NSUN6: variants seen among roughly 807,000 people sequenced by gnomAD.
The protein encoded by NSUN6 is tRNA (cytosine(72)-C(5))-methyltransferase NSUN6.
In NSUN6, 64 loss-of-function variants were observed where a neutral mutation model predicts 58.0. That is an observed-to-expected ratio of 1.10 (90% CI 0.90 to 1.36). The LOEUF (loss-of-function observed/expected upper bound fraction) is 1.36, where lower values mean the gene tolerates loss of function less well. Among genes scored for constraint, NSUN6 ranks in the 40% most tolerant of loss-of-function variants. NSUN6 has a pLI of 0.00. For synonymous variants in NSUN6, 231 were observed against 193.9 expected (o/e 1.19, Z -1.59); for missense variants, 701 against 550.1 (o/e 1.27, Z -2.74).
At chr10:18,575,584 A>T (rs2056607116) in intron 8 of NSUN6, among the ~76,000 whole-genome samples, 1 of 152,138 alleles carries the variant, frequency 6.6e-6, no homozygotes, top group Admixed American at 6.6e-5. Flanking sequence ...GCAATACCAT[A>T]CTCCCTGGCA....
intron 7 of NSUN6, among the ~76,000 whole-genome samples, chr10:18,590,908 A>C (rs1163797841): frequency 6.6e-6 from 1 of 152,176 alleles, no homozygotes; most frequent in Non-Finnish European, 1.5e-5. Context: ...GCAGAAATGA[A>C]GGGGACAGAG....
intron 7 of NSUN6, among the ~76,000 whole-genome samples, chr10:18,590,324 C>T (rs912524317): frequency 2.0e-5 from 3 of 152,142 alleles, no homozygotes; most frequent in African/African-American, 7.2e-5. Flanking sequence ...GACTTTAACA[C>T]CCTACTGTTA....
At chr10:18,620,168 A>C (rs1177477660) in intron 3 of NSUN6, among the ~76,000 whole-genome samples, 1 of 151,540 alleles carries the variant, frequency 6.6e-6, no homozygotes, top group Admixed American at 6.6e-5. Context: ...GCTCGCTGCA[A>C]GCTCCACCTC....
chr10:18,590,766 G>C (rs778996151), intron 7 of NSUN6, among the ~76,000 whole-genome samples: 2 of 152,132 alleles, frequency 1.3e-5, no homozygotes, highest in Non-Finnish European at 2.9e-5. Context: ...AGTGTTAAGA[G>C]GGAAATTTAT....
At chr10:18,557,937 GA>G (rs2055170263) in intron 8 of NSUN6, among the ~76,000 whole-genome samples, 1 of 151,308 alleles carries the variant, frequency 6.6e-6, no homozygotes, top group African/African-American at 2.4e-5. Flanking sequence ...AGGGAAAATG[GA>G]GAATGGAAGG....
intron 8 of NSUN6, among the ~76,000 whole-genome samples, chr10:18,557,984 A>G (rs1307123443): frequency 6.6e-6 from 1 of 151,200 alleles, no homozygotes; most frequent in Non-Finnish European, 1.5e-5. Context: ...TGAAGAATAG[A>G]ATGCAACTGA....
chr10:18,604,595 G>A (rs1000257420), intron 6 of NSUN6, among the ~76,000 whole-genome samples: 2 of 151,960 alleles, frequency 1.3e-5, no homozygotes, highest in African/African-American at 4.8e-5. Context: ...ACGTTAAAGT[G>A]TAGGAAGGCC....
intron 5 of NSUN6, among the ~76,000 whole-genome samples, chr10:18,613,339 C>T (rs576841847): frequency 5.9e-5 from 9 of 152,214 alleles, no homozygotes; most frequent in African/African-American, 1.2e-4. Context: ...TCAAGTGATC[C>T]GCCCACCTTG....
intron 8 of NSUN6, among the ~76,000 whole-genome samples, chr10:18,576,392 G>C (rs1320216187): frequency 6.6e-6 from 1 of 152,068 alleles, no homozygotes; most frequent in Non-Finnish European, 1.5e-5. Context: ...ATAGACCCCA[G>C]TGTCAACCAG....
chr10:18,619,348 T>C (rs772449013), intron 3 of NSUN6, among the ~76,000 whole-genome samples: 3 of 152,216 alleles, frequency 2.0e-5, no homozygotes, highest in Non-Finnish European at 4.4e-5. Context: ...GAAACACATT[T>C]TTCTCCAACC....
chr10:18,563,557 G>A (rs1477936789), intron 8 of NSUN6, among the ~76,000 whole-genome samples: 3 of 150,722 alleles, frequency 2.0e-5, no homozygotes, highest in Admixed American at 1.3e-4. Context: ...ATGGAAAGTG[G>A]AATGGAATAT....
chr10:18,609,917 GC>G lies in NSUN6; in HGVS notation c.584del (p.Gly195AlafsTer2). The G allele has an allele frequency of 6.3e-7, 1 of 1,588,168 alleles. No individual in the cohort carries two copies. Among genetic ancestry groups the G allele is most frequent in the Non-Finnish European group, 8.6e-7 (1 of 1,156,648 alleles). The part of the protein sequence containing the change: ...FSGLPELKGM[G>X]IRMTEPVYLS... ...GATATACTGGTTCTGTCATTCTTAT[GC>G]CCATGCCTCTGAAAAATAGGAAATC... is the stretch of plus-strand genomic sequence containing the variant. On this transcript the variant is annotated frameshift_variant, in exon 6 of 11. Coordinates refer to ENST00000377304, the MANE Select transcript of NSUN6 (RefSeq NM_182543.5). LOFTEE classifies it high-confidence loss of function.
At chr10:18,653,923 A>C (rs1184558498), upstream of NSUN6, among the ~76,000 whole-genome samples, 5 of 152,118 alleles carry the variant, frequency 3.3e-5, no homozygotes, top group Non-Finnish European at 5.9e-5. Flanking sequence ...GGACTGAAAC[A>C]ATTTTTGATA....
intron 3 of NSUN6, among the ~76,000 whole-genome samples, chr10:18,627,410 TGAG>T (rs374803542): frequency 9.0e-4 from 137 of 152,258 alleles, no homozygotes; most frequent in African/African-American, 3.0e-3. Flanking sequence ...AATAAAAATC[TGAG>T]GAGAAGAATA....
At chr10:18,574,914 A>G (rs1046064777) in intron 8 of NSUN6, among the ~76,000 whole-genome samples, 4 of 152,100 alleles carry the variant, frequency 2.6e-5, no homozygotes, top group African/African-American at 7.2e-5. Flanking sequence ...CGAGGAAATA[A>G]CCCAGCAGAT....
At chr10:18,586,588 G>A (rs1289206663) in intron 7 of NSUN6, among the ~76,000 whole-genome samples, 5 of 149,150 alleles carry the variant, frequency 3.4e-5, no homozygotes, top group South Asian at 4.3e-4. Context: ...AAGGTGGTGC[G>A]TCCAGAGTTG....
At chr10:18,647,275 C>T (rs1185927354) in intron 2 of NSUN6, among the ~76,000 whole-genome samples, 1 of 152,008 alleles carries the variant, frequency 6.6e-6, no homozygotes, top group African/African-American at 2.4e-5. Flanking sequence ...AAATGGAAAC[C>T]CTTTAATCAT....
chr10:18,614,382 G>C (rs539765930), intron 5 of NSUN6, 78 bp downstream of exon 5: 48 of 880,116 alleles, frequency 5.5e-5, no homozygotes, highest in Non-Finnish European at 6.4e-5. Flanking sequence ...AATGCAACTA[G>C]ATACATTTTA....
At chr10:18,627,055 T>C (rs985402112) in intron 3 of NSUN6, among the ~76,000 whole-genome samples, 6 of 152,214 alleles carry the variant, frequency 3.9e-5, no homozygotes, top group Admixed American at 6.5e-5. Context: ...TGAGATGTTT[T>C]AAAGGCTCTT....
Sources: allele counts gnomAD v4.1 joint callset (sites outside exome capture counted in the v4.1 genomes callset), GRCh38; gene constraint gnomAD v4.1.1; transcripts MANE v1.5; gene names NCBI Gene and HGNC (gene_info 2026-07-23, HGNC 2026-07-21).